The following PRKCA variants were observed in gnomAD, a reference collection of about 807,000 sequenced individuals.
The protein encoded by PRKCA is protein kinase C alpha.
Under a neutral mutation model 87.0 loss-of-function variants are expected in PRKCA, and 27 were observed. That is an observed-to-expected ratio of 0.31 (90% confidence interval 0.23 to 0.43). PRKCA has a LOEUF of 0.43. Among genes scored for constraint, PRKCA ranks in the 20% least tolerant of loss-of-function variants. The pLI is 1.00. For missense variants in PRKCA, 518 were observed against 852.3 expected, an observed-to-expected ratio of 0.61 and a Z score of 4.88; for synonymous variants, 329 against 311.1, an observed-to-expected ratio of 1.06 and a Z score of -0.61.
intron 10 of PRKCA, 137 bp downstream of exon 10, chr17:66,735,799 G>A: frequency 5.3e-6 from 5 of 947,244 alleles, no homozygotes; most frequent in Admixed American, 2.7e-5. Flanking sequence ...AGGTGACTGG[G>A]GACCACCTCC....
chr17:66,629,077 G>T (rs141669461), intron 3 of PRKCA, among the ~76,000 whole-genome samples: 149 of 152,244 alleles, frequency 9.8e-4, no homozygotes, highest in Non-Finnish European at 1.9e-3. Flanking sequence ...GGTAAGAGGG[G>T]TTGCTGCTTG....
In PRKCA at chr17:66,803,791, C is replaced by T. The variant is rs1975958163; in HGVS notation, c.1855-82C>T. 5 of 1,559,078 alleles carry T rather than the reference C, an allele frequency of 3.2e-6. No individual in the cohort carries two copies. The Admixed American group carries it at 5.2e-5, about 16-fold the overall frequency. ...CCCGGAGTTCCCCAGGGCCGTGCCC[C>T]TCCCCAGAGAGGGCCCTCGGAGAGC... On this transcript the variant is annotated intron_variant, in intron 16 of 16. Transcript: ENST00000413366. This position sits in a 1 kb window ranked among gnomAD's most constrained non-coding sequence, Gnocchi z 4.4.
intron 13 of PRKCA, among the ~76,000 whole-genome samples, chr17:66,764,970 G>T (rs909344947): frequency 6.6e-6 from 1 of 152,218 alleles, no homozygotes; most frequent in African/African-American, 2.4e-5. Context: ...GAGAGCCAGA[G>T]AACCAGAATG....
intron 10 of PRKCA, among the ~76,000 whole-genome samples, chr17:66,737,122 G>A (rs1974051491): frequency 6.6e-6 from 1 of 152,044 alleles, no homozygotes; most frequent in Non-Finnish European, 1.5e-5. Context: ...GGAGGCCAAG[G>A]CGGGCAGATC....
intron 3 of PRKCA, 22 bp from the exon 4 acceptor site, chr17:66,641,333 A>T (rs375264234): frequency 1.9e-6 from 3 of 1,570,570 alleles, no homozygotes; most frequent in African/African-American, 2.7e-5. Flanking sequence ...TAAAATGAGC[A>T]TTGTGCTTCT....
intron 2 of PRKCA, among the ~76,000 whole-genome samples, chr17:66,354,534 C>T (rs1048800688): frequency 1.3e-4 from 20 of 151,910 alleles, no homozygotes; most frequent in African/African-American, 4.8e-4. Context: ...AGATTAAAAC[C>T]CCTCTTCATT....
At chr17:66,325,964 G>A (rs1039105015) in intron 2 of PRKCA, among the ~76,000 whole-genome samples, 1 of 152,030 alleles carries the variant, frequency 6.6e-6, no homozygotes, top group Non-Finnish European at 1.5e-5. Context: ...TCTATGAGTG[G>A]CTACCATCCA....
In PRKCA at chr17:66,547,405, G is replaced by A. The variant is rs572570772; in HGVS notation, c.288+51122G>A. Among the ~76,000 whole-genome samples the A allele has an allele frequency of 2.9e-4, 44 of 152,006 alleles. 2 individuals carry two copies. Among genetic ancestry groups the A allele is most frequent in the South Asian group, 1.5e-3 (7 of 4,802 alleles). ...TTTGTCTATCCTCTTCCTCCCAAGG[G>A]GATAGGAACCTTGTGAGAGTCATCT... is the stretch of plus-strand genomic sequence containing the variant. On this transcript the variant is annotated intron_variant, in intron 3 of 16. Transcript: ENST00000413366.
chr17:66,373,920 T>C (rs1039631890), intron 2 of PRKCA, among the ~76,000 whole-genome samples: 5 of 152,172 alleles, frequency 3.3e-5, no homozygotes, highest in African/African-American at 1.2e-4. Context: ...TTAGAGTTAA[T>C]AAGGAGCCCA....
chr17:66,535,110 G>A (rs1967727760), intron 3 of PRKCA, among the ~76,000 whole-genome samples: 1 of 152,172 alleles, frequency 6.6e-6, no homozygotes. Flanking sequence ...TTACCATTTT[G>A]CTTTGTAGCT....
chr17:66,646,952 C>T (rs1472687132), intron 5 of PRKCA, among the ~76,000 whole-genome samples: 2 of 152,190 alleles, frequency 1.3e-5, no homozygotes, highest in Non-Finnish European at 2.9e-5. Flanking sequence ...TTTATTTTCT[C>T]AAGACCATCC....
Position 66,737,515 on chromosome 17 carries a change from C to A in PRKCA, c.1231-1249C>A, listed in dbSNP as rs142369759. ...GCGATTATTACTATTTTCAACTGCC[C>A]ATTGATCAGAGATTGACTTTCTGTC... On this transcript the variant is annotated intron_variant, in intron 10 of 16. Coordinates refer to ENST00000413366, the MANE Select transcript of PRKCA (RefSeq NM_002737.3). 3.9e-5 allele frequency among the ~76,000 whole-genome samples: 6 copies of A among 152,312 alleles called. No individual in the cohort carries two copies. In the South Asian group the frequency reaches 1.2e-3, roughly 32 times the overall value.
chr17:66,721,957 A>G (rs1973625928), intron 8 of PRKCA, among the ~76,000 whole-genome samples: 3 of 152,122 alleles, frequency 2.0e-5, no homozygotes. Context: ...ATTAAACAGT[A>G]CTTCAGAGGC....
At chr17:66,762,087 A>G (rs1310334043) in intron 13 of PRKCA, among the ~76,000 whole-genome samples, 2 of 152,198 alleles carry the variant, frequency 1.3e-5, no homozygotes, top group Non-Finnish European at 2.9e-5. Context: ...CTGATTTACT[A>G]TGTCTGGTAC....
rs1054064316 is a variant in PRKCA at position 66,335,824 on chromosome 17, A to T, written c.205+29697A>T. On this transcript the variant is annotated intron_variant, in intron 2 of 16. Transcript: ENST00000413366. ...AACCTCGTTTATCAGGTTTTTCTTT[A>T]TAGATAATTACTTCAGGTAAATTCC... Among the ~76,000 whole-genome samples, 56 of 152,276 alleles carry T rather than the reference A, an allele frequency of 3.7e-4. 1 individual carries two copies. Among genetic ancestry groups the T allele is most frequent in the Non-Finnish European group, 7.4e-5 (5 of 68,016 alleles).
chr17:66,584,612 A>G (rs1482985565), intron 3 of PRKCA, among the ~76,000 whole-genome samples: 2 of 151,826 alleles, frequency 1.3e-5, no homozygotes, highest in Non-Finnish European at 2.9e-5. Flanking sequence ...GGAGGGCCAC[A>G]CTCCCTCCAA....
intron 3 of PRKCA, among the ~76,000 whole-genome samples, chr17:66,576,711 A>T (rs528806048): frequency 1.1e-3 from 163 of 152,230 alleles, no homozygotes; most frequent in Non-Finnish European, 1.5e-3. Flanking sequence ...TTCAGTAGGG[A>T]ACACACACAG....
chr17:66,619,090 T>G (rs200872180), intron 3 of PRKCA, among the ~76,000 whole-genome samples: 15,777 of 152,162 alleles, frequency 0.1, 1,473 homozygotes, highest in African/African-American at 0.25. Context: ...GTCTTGGCAT[T>G]TTTTTTTCTG....
intron 2 of PRKCA, among the ~76,000 whole-genome samples, chr17:66,365,401 C>T (rs1908650821): frequency 6.6e-6 from 1 of 152,142 alleles, no homozygotes; most frequent in Non-Finnish European, 1.5e-5. Flanking sequence ...GAGTAGATGA[C>T]CCAAGCCCTG....
Sources: allele counts gnomAD v4.1 joint callset (sites outside exome capture counted in the v4.1 genomes callset), GRCh38; gene constraint gnomAD v4.1.1; non-coding constraint Gnocchi (gnomAD v3.1); transcripts MANE v1.5; gene names NCBI Gene and HGNC (gene_info 2026-07-23, HGNC 2026-07-21).